Variants in MAP3K1 observed in about 807,000 individuals in gnomAD.
MAP3K1 encodes mitogen-activated protein kinase kinase kinase 1.
In MAP3K1, 36 loss-of-function variants were observed where a neutral mutation model predicts 144.2. That is an observed-to-expected ratio of 0.25 (90% CI 0.19 to 0.33). MAP3K1 has a LOEUF of 0.33. Among genes scored for constraint, MAP3K1 ranks in the 10% least tolerant of loss-of-function variants. The pLI is 1.00. For missense variants in MAP3K1, 1,650 were observed against 1,881.9 expected (o/e 0.88, Z 2.28); for synonymous variants, 718 against 688.7 (o/e 1.04, Z -0.67).
At chr5:56,817,423 A>G (rs1226146903) in intron 1 of MAP3K1, among the ~76,000 whole-genome samples, 1 of 152,138 alleles carries the variant, frequency 6.6e-6, no homozygotes, top group African/African-American at 2.4e-5. Flanking sequence ...GTGATCTGGC[A>G]TTTTTTGTGC....
chr5:56,859,754 A>T lies in MAP3K1; in HGVS notation c.673A>T (p.Met225Leu). Reference protein sequence around the residue: ...PIPVKGDGSEMNHLAAESPGE... With the variant: ...PIPVKGDGSELNHLAAESPGE... ...CCCAGTTAAAGGAGATGGATCTGAA[A>T]TGAATCACTTAGCAGCTGAGTCTCC... Residue 225 changes from methionine to leucine, a missense_variant, in exon 3 of 20, where the codon ATG becomes TTG. Coordinates refer to ENST00000399503, the MANE Select transcript of MAP3K1 (RefSeq NM_005921.2). 2.5e-6 allele frequency: 4 copies of T among 1,614,114 alleles called. No homozygotes were observed. The highest frequency in any genetic ancestry group is 3.4e-6 in the Non-Finnish European group (4 of 1,180,006).
At chr5:56,863,721 C>T (rs1440349795) in intron 3 of MAP3K1, among the ~76,000 whole-genome samples, 2 of 152,216 alleles carry the variant, frequency 1.3e-5, no homozygotes, top group Non-Finnish European at 2.9e-5. Flanking sequence ...GTTTTCCAAA[C>T]CAGCTGCACA....
intron 1 of MAP3K1, among the ~76,000 whole-genome samples, chr5:56,847,447 A>G (rs1285510710): frequency 1.3e-5 from 2 of 152,222 alleles, no homozygotes; most frequent in Non-Finnish European, 2.9e-5. Context: ...AAATACAAAA[A>G]TTAGCTGGGC....
Position 56,815,588 on chromosome 5 carries a change from G to A in MAP3K1, c.15G>A (p.Ala5=), listed in dbSNP as rs759046760. MAAA[A]GNRASSSGFP... ...CGCGAGAGAAAATGGCGGCGGCGGC[G>A]GGGAATCGCGCCTCGTCGTCGGGAT... The change falls in exon 1 of 20, where the codon GCG becomes GCA. Residue 5 remains alanine, a synonymous_variant. Coordinates refer to ENST00000399503, the MANE Select transcript of MAP3K1 (RefSeq NM_005921.2). 1.8e-3 allele frequency: 2,272 copies of A among 1,296,296 alleles called. 13 individuals carry two copies. The highest frequency in any genetic ancestry group is 1.4e-3 in the Non-Finnish European group (1,454 of 1,025,114). The allele number at this position is 1,296,296 out of a possible 1,614,324, so 80.3% of individuals were successfully genotyped here. A position where few individuals can be genotyped will look rare whatever the true frequency, so the allele number is the denominator to read the frequency against.
rs892176374 is a variant in MAP3K1 at position 56,815,697 on chromosome 5, G to A, written c.124G>A (p.Gly42Arg). 6 of 1,321,272 alleles carry A rather than the reference G, an allele frequency of 4.5e-6. No individual in the cohort carries two copies. The highest frequency in any genetic ancestry group is 5.8e-6 in the Non-Finnish European group (6 of 1,038,178). 81.8% of individuals were successfully genotyped at this position (1,321,272 alleles called of 1,614,324 possible). ...KASSAPAAAAGLLREAGSGGR... is the reference protein window; with the variant it reads ...KASSAPAAAARLLREAGSGGR... ...GAGCAGCGCGCCCGCGGCTGCCGCGGGACTGCTGCGGGAGGCGGGCAGCGG... is the reference window on the plus strand; with the variant it reads ...GAGCAGCGCGCCCGCGGCTGCCGCGAGACTGCTGCGGGAGGCGGGCAGCGG... Residue 42 changes from glycine (G) to arginine (R), a missense_variant, in exon 1 of 20, where the codon GGA (glycine) becomes AGA (arginine). This residue lies in a region of MAP3K1 where 360 missense variants were observed against 274.7 expected (regional missense o/e 1.31). Transcript: ENST00000399503.
In MAP3K1 at chr5:56,835,934, CTT is replaced by C. The variant is rs1746639610; in HGVS notation, c.482+19881_482+19882del. Among the ~76,000 whole-genome samples the C allele has an allele frequency of 7.2e-5, 11 of 152,234 alleles. No homozygotes were observed. The South Asian group carries it at 2.3e-3, about 32-fold the overall frequency. ...TTGTAGTTAGAAATGTTTGTGTTCT[CTT>C]TGTTTAAATTGTAGCTTGTGGTATA... On this transcript the variant is annotated intron_variant, in intron 1 of 19. Transcript: ENST00000399503.
At chr5:56,886,380 G>A (rs145255823) in intron 17 of MAP3K1, among the ~76,000 whole-genome samples, 53 of 152,216 alleles carry the variant, frequency 3.5e-4, no homozygotes, top group East Asian at 3.9e-4. Flanking sequence ...CTCTAGCCTG[G>A]GTGACAGAGT....
Position 56,882,429 on chromosome 5 carries a change from T to G in MAP3K1, c.3229T>G (p.Ser1077Ala), listed in dbSNP as rs760887711. ...TAATACAAGTAAACAGGGAGATCCC[T>G]CAAAAAATAGCATGACACTTGATCT... is the stretch of plus-strand genomic sequence containing the variant. ...PGNTSKQGDP[S>A]KNSMTLDLNS... The change falls in exon 14 of 20, where the codon TCA becomes GCA. Residue 1077 changes from serine to alanine, a missense_variant. Physicochemically the swap from Ser to Ala is moderately conservative, Grantham distance 99 (BLOSUM62 1). Coordinates refer to ENST00000399503, the MANE Select transcript of MAP3K1 (RefSeq NM_005921.2). 2.4e-5 allele frequency: 38 copies of G among 1,613,976 alleles called. No homozygotes were observed. The highest frequency in any genetic ancestry group is 1.6e-4 in the Middle Eastern group (1 of 6,082).
intron 2 of MAP3K1, among the ~76,000 whole-genome samples, chr5:56,859,279 A>T (rs531127396): frequency 6.6e-6 from 1 of 152,272 alleles, no homozygotes; most frequent in East Asian, 1.9e-4. Context: ...TCAAGGTCCT[A>T]CATTTTGTAA....
chr5:56,867,272 T>A (rs1003984691), intron 6 of MAP3K1, among the ~76,000 whole-genome samples: 1 of 152,322 alleles, frequency 6.6e-6, no homozygotes, highest in Admixed American at 6.5e-5. Flanking sequence ...ATGGGGGGAA[T>A]CACAAAAGTT....
chr5:56,836,588 C>T (rs975449643), intron 1 of MAP3K1, among the ~76,000 whole-genome samples: 2 of 152,098 alleles, frequency 1.3e-5, no homozygotes, highest in African/African-American at 4.8e-5. Flanking sequence ...GTCTCTGCTT[C>T]GGGTCGGGAG....
intron 15 of MAP3K1, among the ~76,000 whole-genome samples, 193 bp downstream of exon 15, chr5:56,883,872 C>G (rs770565605): frequency 3.3e-5 from 5 of 152,104 alleles, no homozygotes; most frequent in Admixed American, 3.3e-4. Context: ...GTTGAGGCCA[C>G]GCGTGGTGGC....
At chr5:56,865,750 A>G in intron 5 of MAP3K1, 79 bp from the exon 6 acceptor site, 1 of 1,429,866 alleles carries the variant, frequency 7.0e-7, no homozygotes, top group South Asian at 1.2e-5. Context: ...AATTAAAGAT[A>G]AATAATTCAG....
intron 1 of MAP3K1, among the ~76,000 whole-genome samples, chr5:56,835,690 T>C (rs1318147743): frequency 6.6e-6 from 1 of 151,808 alleles, no homozygotes; most frequent in Non-Finnish European, 1.5e-5. Context: ...TGAAGCATTT[T>C]GGGGTTTGGT....
At chr5:56,874,837 T>G (rs1303071608) in intron 9 of MAP3K1, among the ~76,000 whole-genome samples, 195 bp from the exon 10 acceptor site, 1 of 152,220 alleles carries the variant, frequency 6.6e-6, no homozygotes, top group Non-Finnish European at 1.5e-5. Context: ...CTTTGGATAA[T>G]TATCAGTTAA....
At position 56,872,812 on chromosome 5, in the gene MAP3K1, T is replaced by C; in HGVS notation, c.1506-13T>C. On this transcript the variant is annotated splice_polypyrimidine_tract_variant and intron_variant, in intron 8 of 19. Transcript: ENST00000399503. ...AATTTTTTTAAAGCAAGTTTTGTTA[T>C]TTTTCATTTTAGCCACGAGTTGTCA... The C allele has an allele frequency of 1.2e-6, 2 of 1,614,122 alleles. No individual in the cohort carries two copies. Among genetic ancestry groups the C allele is most frequent in the East Asian group, 2.2e-5 (1 of 44,876 alleles).
chr5:56,817,777 T>G (rs1467709017), intron 1 of MAP3K1, among the ~76,000 whole-genome samples: 1 of 152,220 alleles, frequency 6.6e-6, no homozygotes, highest in Non-Finnish European at 1.5e-5. Context: ...AATAAATAAT[T>G]TAGCAAACGT....
rs566209217 is a variant in MAP3K1, at chr5:56,832,150, C to T, written c.482+16095C>T. Reference sequence around the variant, plus strand: ...ATTAGAAATAATGATACCCTTCATACTTAGAGAATTTGGGAAGAGCAAATG... The same window carrying T: ...ATTAGAAATAATGATACCCTTCATATTTAGAGAATTTGGGAAGAGCAAATG... On this transcript the variant is annotated intron_variant, in intron 1 of 19. Coordinates refer to ENST00000399503, the MANE Select transcript of MAP3K1 (RefSeq NM_005921.2). 3.9e-5 allele frequency among the ~76,000 whole-genome samples: 6 copies of T among 152,230 alleles called. No individual in the cohort carries two copies. The East Asian group carries it at 1.2e-3, about 29-fold the overall frequency.
chr5:56,861,721 GT>G (rs1747521487), intron 3 of MAP3K1, among the ~76,000 whole-genome samples: 1 of 152,136 alleles, frequency 6.6e-6, no homozygotes, highest in Middle Eastern at 3.2e-3. Flanking sequence ...AATCTTAGCT[GT>G]CTTGTATATT....
Sources: gnomAD v4.1 joint callset for allele counts (sites outside exome capture counted in the v4.1 genomes callset) on GRCh38, gnomAD v4.1.1 for gene constraint, gnomAD v4.1.1 regional missense constraint, MANE v1.5 for transcripts, NCBI Gene and HGNC (gene_info 2026-07-23, HGNC 2026-07-21) for gene names.